Variants in MAP3K5 observed in about 807,000 individuals in gnomAD.
MAP3K5 encodes the protein mitogen-activated protein kinase kinase kinase 5, also known as ASK-1.
MAP3K5 carries 56 observed loss-of-function variants against 158.7 expected under a neutral mutation model. That is an observed-to-expected ratio of 0.35 (90% CI 0.28 to 0.44). The LOEUF (loss-of-function observed/expected upper bound fraction) is 0.44, where lower values mean the gene tolerates loss of function less well. Among genes scored for constraint, MAP3K5 ranks in the 20% least tolerant of loss-of-function variants. The probability of loss-of-function intolerance (pLI) is 1.00; values close to 1 mark genes in which losing one functional copy is unlikely to be tolerated. For synonymous variants in MAP3K5, 579 were observed against 601.7 expected, an observed-to-expected ratio of 0.96 and a Z score of 0.55; for missense variants, 1,294 against 1,674.8, an observed-to-expected ratio of 0.77 and a Z score of 3.97.
At chr6:136,567,030 CCAA>C (rs1240068067) in intron 26 of MAP3K5, among the ~76,000 whole-genome samples, 1 of 152,144 alleles carries the variant, frequency 6.6e-6, no homozygotes, top group African/African-American at 2.4e-5. Context: ...TTGAACTGTA[CCAA>C]CAACATCTGC....
At position 136,613,043 on chromosome 6, in the gene MAP3K5, C is replaced by T. The variant is rs1460903565; in HGVS notation, c.2415+77G>A. 1.5e-6 allele frequency: 2 copies of T among 1,350,716 alleles called. No individual in the cohort carries two copies. Among genetic ancestry groups the T allele is most frequent in the Non-Finnish European group, 2.0e-6 (2 of 993,070 alleles). 83.7% of individuals were successfully genotyped at this position (1,350,716 alleles called of 1,614,324 possible). On this transcript the variant is annotated intron_variant, in intron 17 of 29. Transcript: ENST00000359015. The surrounding 1 kb of genome is among the most constrained non-coding windows in gnomAD (Gnocchi z 4.0). The stretch of plus-strand genomic sequence containing the variant: ...CACCATTCTAAATTAATACTCATAA[C>T]ACAATATGACTTTTGCAAGTAAAAT...
intron 15 of MAP3K5, among the ~76,000 whole-genome samples, chr6:136,615,449 T>C (rs535879391): frequency 6.6e-6 from 1 of 152,332 alleles, no homozygotes; most frequent in African/African-American, 2.4e-5. Flanking sequence ...TCTGTTTTGT[T>C]TTTGTTTTTT....
At chr6:136,731,917 T>C (rs997011659) in intron 1 of MAP3K5, among the ~76,000 whole-genome samples, 1 of 152,200 alleles carries the variant, frequency 6.6e-6, no homozygotes, top group African/African-American at 2.4e-5. Context: ...TAAAAGCTTT[T>C]AGTGTTAGAA....
rs1360862539 is a variant in MAP3K5, at chr6:136,607,974, T to C, written c.2522-2608A>G. On this transcript the variant is annotated intron_variant, in intron 18 of 29. Transcript: ENST00000359015. ...TCAGCAGGAAGGCTGCCATGGTAAA[T>C]AGGGTGTTCATGGCTGGTCTCACTG... Among the ~76,000 whole-genome samples the C allele has an allele frequency of 5.3e-5, 8 of 151,934 alleles. No homozygotes were observed. In the South Asian group the frequency reaches 6.2e-4, roughly 12 times the overall value.
Position 136,617,294 on chromosome 6 carries a change from C to T in MAP3K5, c.2151-3008G>A, listed in dbSNP as rs139290525. ...TGGAATTATAATTTGTTCACATCAA[C>T]AAATTATTCTTATCTATGAGAATTA... On this transcript the variant is annotated intron_variant, in intron 15 of 29. Transcript: ENST00000359015. 2.3e-3 allele frequency among the ~76,000 whole-genome samples: 344 copies of T among 152,246 alleles called. 2 individuals are homozygous for T. Among genetic ancestry groups the T allele is most frequent in the Non-Finnish European group, 3.8e-3 (258 of 68,014 alleles).
intron 1 of MAP3K5, among the ~76,000 whole-genome samples, chr6:136,757,026 C>T (rs987985897): frequency 6.6e-6 from 1 of 152,186 alleles, no homozygotes; most frequent in Non-Finnish European, 1.5e-5. Flanking sequence ...AAGGTGAACA[C>T]CCGAGAAAAC....
At chr6:136,600,062 G>A (rs780685454) in intron 21 of MAP3K5, among the ~76,000 whole-genome samples, 1 of 152,144 alleles carries the variant, frequency 6.6e-6, no homozygotes, top group Non-Finnish European at 1.5e-5. Context: ...TGGCTTTGGG[G>A]CATCAGAGGA....
chr6:136,579,519 G>A (rs1304228171), intron 25 of MAP3K5, among the ~76,000 whole-genome samples: 2 of 152,150 alleles, frequency 1.3e-5, no homozygotes, highest in African/African-American at 2.4e-5. Context: ...GATGTTCAGG[G>A]CTGTGAAAAT....
chr6:136,792,333 C>G lies in MAP3K5; in HGVS notation c.-176G>C, dbSNP rs1785119789. Reference sequence around the variant, plus strand: ...CGCCCTCTCCCCCGAGGGCACGCCGCTGCCCGGCGGCGGCTCGCTCCTCCT... The same window carrying G: ...CGCCCTCTCCCCCGAGGGCACGCCGGTGCCCGGCGGCGGCTCGCTCCTCCT... On this transcript the variant is annotated 5_prime_UTR_variant, in exon 1 of 30. Coordinates refer to ENST00000359015, the MANE Select transcript of MAP3K5 (RefSeq NM_005923.4). The surrounding 1 kb of genome is among the most constrained non-coding windows in gnomAD (Gnocchi z 5.7). 3.9e-6 allele frequency: 4 copies of G among 1,016,500 alleles called. No individual in the cohort carries two copies. The Admixed American group carries it at 2.3e-4, about 59-fold the overall frequency. The allele number at this position is 1,016,500 out of a possible 1,614,324, so 63.0% of individuals were successfully genotyped here.
At chr6:136,605,413 A>G in intron 18 of MAP3K5, 47 bp from the exon 19 acceptor site, 1 of 1,513,132 alleles carries the variant, frequency 6.6e-7, no homozygotes, top group Non-Finnish European at 9.0e-7. Context: ...ATAAAACAGA[A>G]GGGTATCTAA....
At chr6:136,600,014 A>G (rs1006235647) in intron 21 of MAP3K5, among the ~76,000 whole-genome samples, 1 of 152,140 alleles carries the variant, frequency 6.6e-6, no homozygotes, top group Non-Finnish European at 1.5e-5. Flanking sequence ...GGCTGTACCC[A>G]GGAAACCCCA....
chr6:136,640,451 A>T (rs1263202410), intron 12 of MAP3K5, among the ~76,000 whole-genome samples: 1 of 152,158 alleles, frequency 6.6e-6, no homozygotes, highest in African/African-American at 2.4e-5. Context: ...TCCATTTGGA[A>T]TGCATGTCGT....
chr6:136,666,043 C>T (rs920633839), intron 8 of MAP3K5, among the ~76,000 whole-genome samples: 1 of 152,170 alleles, frequency 6.6e-6, no homozygotes, highest in Non-Finnish European at 1.5e-5. Flanking sequence ...AAGATGGAAG[C>T]ATCATCTTGT....
chr6:136,762,098 G>A (rs775559120), intron 1 of MAP3K5, among the ~76,000 whole-genome samples: 3 of 152,178 alleles, frequency 2.0e-5, no homozygotes, highest in Non-Finnish European at 4.4e-5. Flanking sequence ...CCTACAGAAA[G>A]TTATGCAAAT....
At chr6:136,782,233 T>C (rs980497583) in intron 1 of MAP3K5, among the ~76,000 whole-genome samples, 7 of 150,348 alleles carry the variant, frequency 4.7e-5, no homozygotes, top group Admixed American at 2.7e-4. Flanking sequence ...TGAGCTATGA[T>C]TGAGACACTG....
intron 3 of MAP3K5, 140 bp downstream of exon 3, chr6:136,704,970 T>C (rs1019677674): frequency 7.8e-6 from 4 of 515,252 alleles, no homozygotes; most frequent in Admixed American, 4.4e-5. Context: ...TAACCATATT[T>C]ATATTGATAC....
At chr6:136,658,621 T>C (rs1778871230) in intron 9 of MAP3K5, among the ~76,000 whole-genome samples, 1 of 152,200 alleles carries the variant, frequency 6.6e-6, no homozygotes, top group Admixed American at 6.5e-5. Flanking sequence ...CGGCCAACAC[T>C]GTTTTTCAAT....
At position 136,583,664 on chromosome 6, in the gene MAP3K5, G is replaced by C; in HGVS notation, c.3302C>G (p.Thr1101Ser). ...TGTGGTGGCTATGATTTTTCGGTCA[G>C]TGGATCTCACAAATTCTCTGAGGCT... ...IASLREFVRS[T>S]DRKIIATTLS... Residue 1101 changes from threonine to serine, a missense_variant, in exon 24 of 30, where the codon ACT becomes AGT. Coordinates refer to ENST00000359015, the MANE Select transcript of MAP3K5 (RefSeq NM_005923.4). The C allele has an allele frequency of 6.2e-7, 1 of 1,614,198 alleles. No individual in the cohort carries two copies. Among genetic ancestry groups the C allele is most frequent in the Non-Finnish European group, 8.5e-7 (1 of 1,180,036 alleles).
intron 26 of MAP3K5, among the ~76,000 whole-genome samples, chr6:136,563,512 T>C (rs12530245): frequency 0.083 from 12,700 of 152,138 alleles, 1,173 homozygotes; most frequent in East Asian, 0.21. Context: ...TTATTCCTCT[T>C]CCTTCTAAGG....
Sources: gnomAD v4.1 joint callset for allele counts (sites outside exome capture counted in the v4.1 genomes callset) on GRCh38, gnomAD v4.1.1 for gene constraint, Gnocchi (gnomAD v3.1) non-coding constraint, MANE v1.5 for transcripts, NCBI Gene and HGNC (gene_info 2026-07-23, HGNC 2026-07-21) for gene names.